Variants in ERC2 observed in about 807,000 individuals in gnomAD.
The protein encoded by ERC2 is ERC protein 2.
Under a neutral mutation model 114.8 loss-of-function variants are expected in ERC2, and 42 were observed. The observed-to-expected ratio is 0.37, with a 90% CI of 0.29 to 0.47. The LOEUF is 0.47. Ranked by LOEUF, ERC2 falls within the 20% of genes least tolerant of loss-of-function variation. The pLI is 0.99. For synonymous variants in ERC2, 454 were observed against 425.5 expected, an observed-to-expected ratio of 1.07 and a Z score of -0.82; for missense variants, 939 against 1,150.7, an observed-to-expected ratio of 0.82 and a Z score of 2.66.
intron 2 of ERC2, among the ~76,000 whole-genome samples, chr3:56,393,619 T>C (rs929497877): frequency 2.6e-5 from 4 of 152,214 alleles, no homozygotes; most frequent in African/African-American, 7.2e-5. Context: ...AAATCTGTCA[T>C]TGTCACTTCT....
chr3:55,832,817 A>G (rs1211146810), intron 14 of ERC2, among the ~76,000 whole-genome samples: 3 of 152,226 alleles, frequency 2.0e-5, no homozygotes, highest in Non-Finnish European at 4.4e-5. Flanking sequence ...TCTGAGCTAC[A>G]GGAGGAAATT....
intron 14 of ERC2, among the ~76,000 whole-genome samples, chr3:55,816,580 T>C (rs1186449754): frequency 6.6e-6 from 1 of 152,180 alleles, no homozygotes; most frequent in African/African-American, 2.4e-5. Context: ...ACTCATTTCT[T>C]AGCACAAGCA....
At chr3:55,822,372 C>T (rs1184897351) in intron 14 of ERC2, among the ~76,000 whole-genome samples, 1 of 152,096 alleles carries the variant, frequency 6.6e-6, no homozygotes, top group African/African-American at 2.4e-5. Flanking sequence ...ACAATATAAT[C>T]TTCAAGTTAG....
intron 17 of ERC2, among the ~76,000 whole-genome samples, chr3:55,620,076 T>C (rs2059266575): frequency 6.6e-6 from 1 of 152,190 alleles, no homozygotes; most frequent in African/African-American, 2.4e-5. Flanking sequence ...GCTCTGCAAA[T>C]TGGGATTAAG....
intron 17 of ERC2, among the ~76,000 whole-genome samples, chr3:55,591,835 A>G (rs1309762445): frequency 6.6e-6 from 1 of 152,186 alleles, no homozygotes; most frequent in African/African-American, 2.4e-5. Context: ...AATGAGGAAA[A>G]TGAGGCTCAG....
chr3:56,179,184 A>G (rs1230180925), intron 3 of ERC2, among the ~76,000 whole-genome samples: 1 of 152,188 alleles, frequency 6.6e-6, no homozygotes, highest in African/African-American at 2.4e-5. Flanking sequence ...GACAAGCTTC[A>G]TCTAACGGAA....
rs1179328130 is a variant in ERC2 at position 56,414,719 on chromosome 3, T to A, written c.657+19632A>T. Reference sequence around the variant, plus strand: ...CACCCAGGGCGACAGAGCGAGACTCTGTCTCAAAAAAAAAAAAAAGAAAAG... The same window carrying A: ...CACCCAGGGCGACAGAGCGAGACTCAGTCTCAAAAAAAAAAAAAAGAAAAG... On this transcript the variant is annotated intron_variant, in intron 2 of 17. Transcript: ENST00000288221. Among the ~76,000 whole-genome samples, 3 of 143,946 alleles carry A rather than the reference T, an allele frequency of 2.1e-5. No individual in the cohort carries two copies. In the East Asian group the frequency reaches 6.5e-4, roughly 31 times the overall value. 94.4% of individuals were successfully genotyped at this position (143,946 alleles called of 152,430 possible). A position where few individuals can be genotyped will look rare whatever the true frequency, so the allele number is the denominator to read the frequency against.
intron 14 of ERC2, among the ~76,000 whole-genome samples, chr3:55,736,620 T>C (rs1335544458): frequency 6.6e-6 from 1 of 152,198 alleles, no homozygotes; most frequent in South Asian, 2.1e-4. Flanking sequence ...CTCAAGCTTC[T>C]AGAAGATCCC....
intron 17 of ERC2, among the ~76,000 whole-genome samples, chr3:55,578,863 G>C (rs1163034749): frequency 6.6e-6 from 1 of 152,152 alleles, no homozygotes; most frequent in Non-Finnish European, 1.5e-5. Context: ...GGGCTCTCCT[G>C]CACATGGCCT....
At chr3:56,209,144 A>T (rs6801342) in intron 3 of ERC2, among the ~76,000 whole-genome samples, 13,265 of 151,852 alleles carry the variant, frequency 0.087, 808 homozygotes, top group Admixed American at 0.15. Flanking sequence ...CTCCTTTCAC[A>T]CCACCCCCTT....
At chr3:56,040,734 C>A (rs1302387524) in intron 7 of ERC2, among the ~76,000 whole-genome samples, 1 of 133,816 alleles carries the variant, frequency 7.5e-6, no homozygotes, top group South Asian at 2.4e-4. Context: ...AGATATATCT[C>A]TATATATATA....
At chr3:55,713,487 G>A (rs774415366) in intron 15 of ERC2, among the ~76,000 whole-genome samples, 1 of 152,126 alleles carries the variant, frequency 6.6e-6, no homozygotes, top group Non-Finnish European at 1.5e-5. Context: ...AAAGTGCTGG[G>A]ATTACAGGCA....
chr3:55,959,823 A>G (rs1171602481), intron 12 of ERC2, among the ~76,000 whole-genome samples: 1 of 152,206 alleles, frequency 6.6e-6, no homozygotes, highest in Non-Finnish European at 1.5e-5. Context: ...CTCACTGTAG[A>G]CTAGACTATA....
At chr3:55,995,390 G>A (rs2071427716) in intron 10 of ERC2, among the ~76,000 whole-genome samples, 1 of 152,100 alleles carries the variant, frequency 6.6e-6, no homozygotes, top group Admixed American at 6.6e-5. Context: ...GAATACCTGT[G>A]AGTTAAATCT....
Position 56,019,058 on chromosome 3 carries a change from G to A in ERC2, c.1642-27C>T, listed in dbSNP as rs981983778. 5.8e-6 allele frequency: 9 copies of A among 1,560,792 alleles called. No homozygotes were observed. In the African/African-American group the frequency reaches 8.2e-5, roughly 14 times the overall value. On this transcript the variant is annotated intron_variant, in intron 7 of 17. Coordinates refer to ENST00000288221, the MANE Select transcript of ERC2 (RefSeq NM_015576.3). ...TAAAAATAAAAATCAATATTTTAAT[G>A]CATATTTGATTACATATCCTAGGCC...
At chr3:56,059,812 T>A (rs2076175326) in intron 7 of ERC2, among the ~76,000 whole-genome samples, 1 of 152,230 alleles carries the variant, frequency 6.6e-6, no homozygotes, top group Non-Finnish European at 1.5e-5. Context: ...TTGTACAACT[T>A]GGTAAACTGT....
At chr3:56,391,442 G>C (rs555057626) in intron 2 of ERC2, among the ~76,000 whole-genome samples, 38 of 152,202 alleles carry the variant, frequency 2.5e-4, no homozygotes, top group African/African-American at 9.2e-4. Flanking sequence ...TCAACTATGA[G>C]GTATTACCAC....
chr3:55,870,220 G>T (rs1018200285), intron 14 of ERC2, among the ~76,000 whole-genome samples: 1 of 151,972 alleles, frequency 6.6e-6, no homozygotes, highest in African/African-American at 2.4e-5. Context: ...GACCACAGAC[G>T]CCCGTCACCA....
At chr3:56,283,798 G>A (rs562071178) in intron 3 of ERC2, among the ~76,000 whole-genome samples, 26 of 152,036 alleles carry the variant, frequency 1.7e-4, no homozygotes, top group Non-Finnish European at 3.1e-4. Context: ...CTGGACAAGC[G>A]GTACAAAAAG....
Sources: allele counts gnomAD v4.1 joint callset (sites outside exome capture counted in the v4.1 genomes callset), GRCh38; gene constraint gnomAD v4.1.1; transcripts MANE v1.5; gene names NCBI Gene and HGNC (gene_info 2026-07-23, HGNC 2026-07-21).